Variants in CYTIP observed in about 807,000 individuals in gnomAD.
CYTIP encodes the protein cytohesin-interacting protein.
In CYTIP, 26 loss-of-function variants were observed where a neutral mutation model predicts 43.8. The ratio of observed to expected loss-of-function variants is 0.59; its 90% CI spans 0.44 to 0.82. CYTIP has a LOEUF of 0.82. Ranked by LOEUF, CYTIP falls within the 40% of genes least tolerant of loss-of-function variation. CYTIP has a pLI of 0.00. For synonymous variants in CYTIP, 162 were observed against 162.9 expected (o/e 0.99, Z 0.04); for missense variants, 426 against 443.1 (o/e 0.96, Z 0.35).
intron 5 of CYTIP, among the ~76,000 whole-genome samples, chr2:157,428,267 G>C (rs1269765012): frequency 6.6e-6 from 1 of 152,180 alleles, no homozygotes; most frequent in Non-Finnish European, 1.5e-5. Flanking sequence ...GTTGGTTCAA[G>C]TTCCTTCTTG....
At chr2:157,443,726 A>C (rs1034275600) in intron 1 of CYTIP, 121 bp downstream of exon 1, 7 of 1,082,788 alleles carry the variant, frequency 6.5e-6, no homozygotes, top group Non-Finnish European at 9.0e-6. Context: ...TTCACCCATA[A>C]TAATCAGCCA....
At chr2:157,419,856 G>A (rs1456505696) in intron 6 of CYTIP, among the ~76,000 whole-genome samples, 1 of 152,228 alleles carries the variant, frequency 6.6e-6, no homozygotes, top group African/African-American at 2.4e-5. Flanking sequence ...GAGGAACATG[G>A]CTTGTTCCTC....
chr2:157,435,733 A>C (rs1292977629), intron 1 of CYTIP, among the ~76,000 whole-genome samples: 5 of 152,186 alleles, frequency 3.3e-5, no homozygotes, highest in Non-Finnish European at 7.3e-5. Flanking sequence ...TTAATTGTCA[A>C]CCTGAAATGG....
chr2:157,429,500 C>A (rs1369876048), intron 5 of CYTIP, among the ~76,000 whole-genome samples: 1 of 152,172 alleles, frequency 6.6e-6, no homozygotes, highest in Non-Finnish European at 1.5e-5. Context: ...AAATTTCAGG[C>A]TTTTCTGAGC....
intron 1 of CYTIP, among the ~76,000 whole-genome samples, chr2:157,443,339 A>G (rs76066232): frequency 7.4e-6 from 1 of 134,944 alleles, no homozygotes; most frequent in Non-Finnish European, 1.7e-5. Context: ...TCATCTATCC[A>G]AAAAAAAAAA....
intron 5 of CYTIP, among the ~76,000 whole-genome samples, chr2:157,429,458 A>G (rs2105139642): frequency 6.6e-6 from 1 of 152,310 alleles, no homozygotes; most frequent in South Asian, 2.1e-4. Flanking sequence ...TTCTCATAGT[A>G]GTTATCAATA....
chr2:157,415,968 C>T lies in CYTIP; in HGVS notation c.789G>A (p.Thr263=), dbSNP rs748797841. 34 of 1,614,124 alleles carry T rather than the reference C, an allele frequency of 2.1e-5. No homozygotes were observed. Among genetic ancestry groups the T allele is most frequent in the South Asian group, 4.4e-5 (4 of 91,086 alleles). Reference sequence around the variant, plus strand: ...CCCTGCTGGAGTCCTCAGACACACACGTCTGGTAGCCATCTTCACTGTCCA... The same window carrying T: ...CCCTGCTGGAGTCCTCAGACACACATGTCTGGTAGCCATCTTCACTGTCCA... ...MTMDSEDGYQ[T]CVSEDSSRGA... The change falls in exon 8 of 8, where the codon ACG becomes ACA. Residue 263 remains threonine, a synonymous_variant. Transcript: ENST00000264192.
At chr2:157,426,472 A>G (rs765113921) in intron 6 of CYTIP, among the ~76,000 whole-genome samples, 26 of 152,208 alleles carry the variant, frequency 1.7e-4, no homozygotes, top group Admixed American at 4.6e-4. Flanking sequence ...GATGTGGAGG[A>G]AGAAAAAGAT....
chr2:157,428,486 T>C (rs16841740), intron 5 of CYTIP, among the ~76,000 whole-genome samples: 3,898 of 152,324 alleles, frequency 0.026, 160 homozygotes, highest in African/African-American at 0.087. Context: ...TTCATTGGGA[T>C]TGAATGTCAG....
chr2:157,428,222 A>G (rs1461985551), intron 5 of CYTIP, among the ~76,000 whole-genome samples: 2 of 152,164 alleles, frequency 1.3e-5, no homozygotes, highest in Non-Finnish European at 2.9e-5. Flanking sequence ...TGATTTAAAA[A>G]TTTCATTTGT....
chr2:157,434,812 A>T, intron 1 of CYTIP, 65 bp from the exon 2 acceptor site: 1 of 413,962 alleles, frequency 2.4e-6, no homozygotes, highest in Non-Finnish European at 3.6e-6. Flanking sequence ...AATGTTCTAA[A>T]TCTCTCTCTC....
At chr2:157,436,503 T>C (rs1392722033) in intron 1 of CYTIP, among the ~76,000 whole-genome samples, 2 of 152,106 alleles carry the variant, frequency 1.3e-5, no homozygotes, top group Non-Finnish European at 2.9e-5. Flanking sequence ...TATACCTCTA[T>C]AAATAAGGGC....
intron 7 of CYTIP, among the ~76,000 whole-genome samples, chr2:157,417,971 C>G (rs2105131417): frequency 6.6e-6 from 1 of 152,314 alleles, no homozygotes; most frequent in African/African-American, 2.4e-5. Flanking sequence ...TTAAACTCAA[C>G]CCTTCCCTTA....
chr2:157,439,261 A>C (rs1287196317), intron 1 of CYTIP: 1 of 152,580 alleles, frequency 6.6e-6, no homozygotes, highest in African/African-American at 2.4e-5. Flanking sequence ...AAAACAATTT[A>C]AATAAATTAA....
chr2:157,421,038 C>T (rs1287295734), intron 6 of CYTIP, among the ~76,000 whole-genome samples: 2 of 152,182 alleles, frequency 1.3e-5, no homozygotes, highest in Non-Finnish European at 2.9e-5. Context: ...AGTATGTCGT[C>T]ACTTAAACCA....
At chr2:157,419,576 C>T (rs1032545462) in intron 6 of CYTIP, among the ~76,000 whole-genome samples, 2 of 152,200 alleles carry the variant, frequency 1.3e-5, no homozygotes. Flanking sequence ...GCCATAGGCT[C>T]ACTGTCTCCC....
At chr2:157,420,000 C>A (rs1156470213) in intron 6 of CYTIP, among the ~76,000 whole-genome samples, 1 of 152,172 alleles carries the variant, frequency 6.6e-6, no homozygotes, top group Non-Finnish European at 1.5e-5. Flanking sequence ...CAATCAACTT[C>A]TTGTTCTTTC....
At chr2:157,420,253 C>A (rs567862950) in intron 6 of CYTIP, among the ~76,000 whole-genome samples, 28 of 152,292 alleles carry the variant, frequency 1.8e-4, no homozygotes, top group Middle Eastern at 3.4e-3. Flanking sequence ...CAGTGGCTCA[C>A]GCCTGTAATC....
In CYTIP at chr2:157,415,560, T is replaced by G; in HGVS notation, c.*117A>C. ...CAACAATTTAAATAAAGGTCACTAT[T>G]GCTGTGAAATGGGATGTCAGTTTTG... On this transcript the variant is annotated 3_prime_UTR_variant, in exon 8 of 8. Transcript: ENST00000264192. The G allele has an allele frequency of 1.5e-6, 1 of 670,514 alleles. No homozygotes were observed. The highest frequency in any genetic ancestry group is 2.9e-5 in the Admixed American group (1 of 34,826). 41.5% of individuals were successfully genotyped at this position (670,514 alleles called of 1,614,324 possible).
Sources: gnomAD v4.1 joint callset for allele counts (sites outside exome capture counted in the v4.1 genomes callset) on GRCh38, gnomAD v4.1.1 for gene constraint, MANE v1.5 for transcripts, NCBI Gene and HGNC (gene_info 2026-07-23, HGNC 2026-07-21) for gene names.